Variants in ZNF385D observed in about 807,000 individuals in gnomAD.
ZNF385D encodes the protein zinc finger protein 659.
A neutral mutation model predicts 35.8 loss-of-function variants in ZNF385D; 15 were observed. That is an observed-to-expected ratio of 0.42 (90% CI 0.28 to 0.64). The LOEUF (loss-of-function observed/expected upper bound fraction) is 0.64, where lower values mean the gene tolerates loss of function less well. Among genes scored for constraint, ZNF385D ranks in the 30% least tolerant of loss-of-function variants. The pLI is 0.23. For synonymous variants in ZNF385D, 212 were observed against 186.8 expected, an observed-to-expected ratio of 1.13 and a Z score of -1.10; for missense variants, 474 against 494.6, an observed-to-expected ratio of 0.96 and a Z score of 0.39.
intron 2 of ZNF385D, among the ~76,000 whole-genome samples, chr3:21,631,911 C>G (rs146310642): frequency 3.3e-5 from 5 of 152,052 alleles, no homozygotes; most frequent in Non-Finnish European, 7.4e-5. Flanking sequence ...TTCATTGAAG[C>G]CTTCAGCTTC....
chr3:21,586,544 G>A (rs769212814), intron 2 of ZNF385D, among the ~76,000 whole-genome samples: 1 of 152,148 alleles, frequency 6.6e-6, no homozygotes, highest in African/African-American at 2.4e-5. Flanking sequence ...AGTTAATATA[G>A]TAAAGAACTG....
At chr3:21,932,670 C>A (rs1164327136) in intron 3 of ZNF385D, among the ~76,000 whole-genome samples, 3 of 151,782 alleles carry the variant, frequency 2.0e-5, no homozygotes, top group Non-Finnish European at 4.4e-5. Context: ...ACCCCACATG[C>A]TGGAATAGTA....
chr3:21,459,602 A>G (rs1703041320), intron 4 of ZNF385D, among the ~76,000 whole-genome samples: 3 of 152,188 alleles, frequency 2.0e-5, no homozygotes, highest in South Asian at 4.1e-4. Flanking sequence ...CAGTCAGGAC[A>G]TGCTCTACCC....
At chr3:21,863,689 G>C (rs185252296) in intron 3 of ZNF385D, among the ~76,000 whole-genome samples, 1 of 152,034 alleles carries the variant, frequency 6.6e-6, no homozygotes, top group Non-Finnish European at 1.5e-5. Flanking sequence ...ATATAATTTC[G>C]AAAAGAACAA....
intron 2 of ZNF385D, among the ~76,000 whole-genome samples, chr3:22,364,722 G>C (rs1696573317): frequency 6.6e-6 from 1 of 152,060 alleles, no homozygotes; most frequent in South Asian, 2.1e-4. Context: ...ATGTCATCTA[G>C]CAATTCTGCT....
rs577432882 is a variant in ZNF385D, at chr3:22,214,643, C to T, written c.107-45608G>A. Among the ~76,000 whole-genome samples the T allele has an allele frequency of 2.0e-5, 3 of 152,014 alleles. No individual in the cohort carries two copies. In the South Asian group the frequency reaches 6.2e-4, roughly 32 times the overall value. ...GGGGTGGCCATCTTTTATGGTCAAG[C>T]TGTATGGATGAAATAAGCCCCAGTC... is the stretch of plus-strand genomic sequence containing the variant. On this transcript the variant is annotated intron_variant, in intron 2 of 5. Coordinates refer to the ZNF385D transcript ENST00000494108.
chr3:22,046,430 G>C (rs1260938447), intron 3 of ZNF385D, among the ~76,000 whole-genome samples: 2 of 152,010 alleles, frequency 1.3e-5, no homozygotes, highest in African/African-American at 4.8e-5. Context: ...TTGTAGATTG[G>C]CTAAAATTCC....
chr3:22,079,892 A>ATG (rs548835175), intron 3 of ZNF385D, among the ~76,000 whole-genome samples: 6 of 151,722 alleles, frequency 4.0e-5, no homozygotes, highest in East Asian at 3.9e-4. Flanking sequence ...AGATTCAAAT[A>ATG]TGTGTGTGTG....
At chr3:21,544,899 G>A (rs916455180) in intron 3 of ZNF385D, among the ~76,000 whole-genome samples, 1 of 152,196 alleles carries the variant, frequency 6.6e-6, no homozygotes, top group Non-Finnish European at 1.5e-5. Flanking sequence ...GAATACTTCA[G>A]AGGGCCCCTG....
At chr3:21,918,788 T>C (rs984973203) in intron 3 of ZNF385D, among the ~76,000 whole-genome samples, 6 of 152,216 alleles carry the variant, frequency 3.9e-5, no homozygotes, top group African/African-American at 1.4e-4. Flanking sequence ...TTTATCTTCC[T>C]ATTTTTAATC....
intron 3 of ZNF385D, among the ~76,000 whole-genome samples, chr3:22,115,825 G>T (rs970746674): frequency 6.6e-6 from 1 of 152,026 alleles, no homozygotes; most frequent in Non-Finnish European, 1.5e-5. Flanking sequence ...TAGCAGGAAG[G>T]TTTAACCTAC....
At chr3:21,746,509 C>T (rs1211092204) in intron 1 of ZNF385D, among the ~76,000 whole-genome samples, 1 of 152,132 alleles carries the variant, frequency 6.6e-6, no homozygotes, top group Non-Finnish European at 1.5e-5. Flanking sequence ...TGATAGTATT[C>T]ACCTGTTAAC....
At chr3:22,141,748 C>T (rs1344776932) in intron 3 of ZNF385D, among the ~76,000 whole-genome samples, 1 of 152,276 alleles carries the variant, frequency 6.6e-6, no homozygotes, top group South Asian at 2.1e-4. Context: ...TACTTACTAC[C>T]TGTTATCTCT....
intron 2 of ZNF385D, among the ~76,000 whole-genome samples, chr3:22,194,489 A>T (rs9820615): frequency 6.6e-6 from 1 of 151,682 alleles, no homozygotes; most frequent in African/African-American, 2.4e-5. Context: ...TTTTCCATTT[A>T]TATCTTTCTT....
intron 3 of ZNF385D, among the ~76,000 whole-genome samples, chr3:22,081,487 A>T (rs1238353611): frequency 6.6e-6 from 1 of 152,224 alleles, no homozygotes; most frequent in Non-Finnish European, 1.5e-5. Flanking sequence ...TGTTGTTATG[A>T]TAATGGCTGA....
chr3:21,968,516 T>TGAGGA (rs149641003), intron 3 of ZNF385D, among the ~76,000 whole-genome samples: 57,937 of 151,108 alleles, frequency 0.38, 11,704 homozygotes, highest in African/African-American at 0.53. Flanking sequence ...TCCTTCTGTC[T>TGAGGA]GAGGAGAGGA....
intron 2 of ZNF385D, among the ~76,000 whole-genome samples, chr3:22,352,320 G>C (rs1695953157): frequency 6.6e-6 from 1 of 152,154 alleles, no homozygotes; most frequent in Non-Finnish European, 1.5e-5. Context: ...TACAACATGA[G>C]GTGAGTTCAC....
intron 3 of ZNF385D, among the ~76,000 whole-genome samples, chr3:21,762,363 T>C (rs1184423035): frequency 6.6e-6 from 1 of 152,156 alleles, no homozygotes; most frequent in Non-Finnish European, 1.5e-5. Context: ...GCTTTCTCTT[T>C]ACCCGGTAAA....
At chr3:21,587,054 C>T (rs998779030) in intron 2 of ZNF385D, among the ~76,000 whole-genome samples, 3 of 151,882 alleles carry the variant, frequency 2.0e-5, no homozygotes, top group African/African-American at 7.3e-5. Flanking sequence ...TGTCAGTAAA[C>T]GTTTAAAATT....
Sources: allele counts gnomAD v4.1 joint callset (sites outside exome capture counted in the v4.1 genomes callset), GRCh38; gene constraint gnomAD v4.1.1; transcripts MANE v1.5; gene names NCBI Gene and HGNC (gene_info 2026-07-23, HGNC 2026-07-21).